Variants in RGPD2 observed in about 807,000 individuals in gnomAD.
RGPD2 encodes the protein RANBP2-like and GRIP domain-containing protein 2.
Under a neutral mutation model 36.0 loss-of-function variants are expected in RGPD2, and 2 were observed. The observed-to-expected ratio is 0.06, with a 90% CI of 0.02 to 0.17. The LOEUF (loss-of-function observed/expected upper bound fraction) is 0.17, where lower values mean the gene tolerates loss of function less well. RGPD2 is among the 10% of genes least tolerant of loss of function. RGPD2 has a pLI of 1.00. For missense variants in RGPD2, 40 were observed against 464.3 expected (o/e 0.09, Z 8.40); for synonymous variants, 19 against 163.8 (o/e 0.12, Z 6.75).
the RGPD2 span, among the ~76,000 whole-genome samples, chr2:87,961,634 G>A: frequency 5.0e-5 from 7 of 140,906 alleles, no homozygotes; most frequent in East Asian, 2.1e-4. Context: ...ACTGAGAGGC[G>A]AGGGTTGCAG....
At chr2:87,847,633 G>C in the RGPD2 span, among the ~76,000 whole-genome samples, 1 of 151,408 alleles carries the variant, frequency 6.6e-6, no homozygotes, top group African/African-American at 2.4e-5. Flanking sequence ...CGAGTAGCTG[G>C]GACCACAGGT....
the RGPD2 span, among the ~76,000 whole-genome samples, chr2:87,909,188 AG>A: frequency 6.6e-6 from 1 of 152,158 alleles, no homozygotes; most frequent in Non-Finnish European, 1.5e-5. Flanking sequence ...TAAACATCAG[AG>A]TATTGGCTGC....
the RGPD2 span, among the ~76,000 whole-genome samples, chr2:87,973,537 T>C: frequency 1.4e-5 from 2 of 139,514 alleles, no homozygotes; most frequent in East Asian, 4.1e-4. Context: ...TAGTCCCAAC[T>C]CCTTGCGTTC....
upstream of RGPD2, among the ~76,000 whole-genome samples, chr2:87,830,164 T>C (rs925897441): frequency 6.6e-6 from 1 of 151,750 alleles, no homozygotes; most frequent in Non-Finnish European, 1.5e-5. Flanking sequence ...AGGTCCCACA[T>C]CCAGGTCACA....
chr2:87,813,814 A>G (rs2104350979), intron 4 of RGPD2, among the ~76,000 whole-genome samples: 1 of 142,792 alleles, frequency 7.0e-6, no homozygotes, highest in African/African-American at 2.6e-5. Context: ...TTACCTTAGC[A>G]AGCCTTAAAT....
chr2:87,825,410 G>T (rs1686678538), intron 1 of RGPD2, among the ~76,000 whole-genome samples: 2 of 116,546 alleles, frequency 1.7e-5, no homozygotes, highest in Non-Finnish European at 3.8e-5. Flanking sequence ...GCCAGGCCGA[G>T]GCCGAGGCCG....
chr2:87,874,033 G>T, the RGPD2 span, among the ~76,000 whole-genome samples: 13 of 151,376 alleles, frequency 8.6e-5, no homozygotes, highest in African/African-American at 3.2e-4. Flanking sequence ...GTCTTCTTTT[G>T]AGAAGTGTCT....
the RGPD2 span, among the ~76,000 whole-genome samples, chr2:87,983,983 G>A: frequency 6.6e-6 from 1 of 151,936 alleles, no homozygotes; most frequent in South Asian, 2.1e-4. Flanking sequence ...AAGTCACTGG[G>A]GGATTCTACG....
upstream of RGPD2, among the ~76,000 whole-genome samples, chr2:87,829,703 C>A (rs1255436504): frequency 6.6e-6 from 1 of 151,854 alleles, no homozygotes; most frequent in South Asian, 2.1e-4. Context: ...AGAAAAAAAA[C>A]CCGCTCCCAT....
chr2:87,827,188 G>A (rs1430099081), upstream of RGPD2, among the ~76,000 whole-genome samples: 6 of 152,114 alleles, frequency 3.9e-5, no homozygotes, highest in Non-Finnish European at 5.9e-5. Context: ...GTGTGTATGC[G>A]TGTGCATGTG....
At chr2:87,875,244 A>C in the RGPD2 span, among the ~76,000 whole-genome samples, 2 of 152,084 alleles carry the variant, frequency 1.3e-5, no homozygotes, top group Non-Finnish European at 2.9e-5. Flanking sequence ...TACCATGTTG[A>C]ATAAGAATGG....
At chr2:87,825,476 T>TCGCCGC (rs1298767134) in intron 1 of RGPD2, among the ~76,000 whole-genome samples, 182 bp downstream of exon 1, 1 of 37,152 alleles carries the variant, frequency 2.7e-5, no homozygotes, top group Non-Finnish European at 5.1e-5. Flanking sequence ...GAGGCCGCCG[T>TCGCCGC]CGCCGCCGCC....
At chr2:87,873,876 C>A in the RGPD2 span, among the ~76,000 whole-genome samples, 2 of 149,976 alleles carry the variant, frequency 1.3e-5, no homozygotes, top group African/African-American at 4.9e-5. Flanking sequence ...GCCCACAACA[C>A]GTGGAGATTA....
chr2:87,887,228 C>T, the RGPD2 span, among the ~76,000 whole-genome samples: 476 of 151,972 alleles, frequency 3.1e-3, 6 homozygotes, highest in Non-Finnish European at 5.3e-3. Context: ...ATACCTCACT[C>T]TGGTTTGCCA....
chr2:87,839,900 A>G, the RGPD2 span, among the ~76,000 whole-genome samples: 6 of 152,092 alleles, frequency 3.9e-5, no homozygotes, highest in South Asian at 2.1e-4. Flanking sequence ...TAAATGTTGG[A>G]AAGAAAAAAA....
intron 4 of RGPD2, among the ~76,000 whole-genome samples, chr2:87,812,974 T>A (rs1686157463): frequency 6.7e-6 from 1 of 150,354 alleles, no homozygotes; most frequent in Non-Finnish European, 1.5e-5. Context: ...GTCTTCAAAA[T>A]CTGCATTTTG....
At chr2:87,938,091 C>A in the RGPD2 span, among the ~76,000 whole-genome samples, 1 of 151,534 alleles carries the variant, frequency 6.6e-6, no homozygotes, top group Non-Finnish European at 1.5e-5. Flanking sequence ...GTCAACAGAG[C>A]AGTAGCCGAA....
At chr2:87,839,139 A>G in the RGPD2 span, among the ~76,000 whole-genome samples, 1 of 151,278 alleles carries the variant, frequency 6.6e-6, no homozygotes, top group Non-Finnish European at 1.5e-5. Context: ...CAAAGGTCTA[A>G]TGTTCAGAAT....
the RGPD2 span, among the ~76,000 whole-genome samples, chr2:87,855,312 C>T: frequency 6.6e-6 from 1 of 151,602 alleles, no homozygotes; most frequent in Non-Finnish European, 1.5e-5. Context: ...GACAAAATGT[C>T]TTCCAAAGTG....
Sources: gnomAD v4.1 joint callset for allele counts (sites outside exome capture counted in the v4.1 genomes callset) on GRCh38, gnomAD v4.1.1 for gene constraint, MANE v1.5 for transcripts, NCBI Gene and HGNC (gene_info 2026-07-23, HGNC 2026-07-21) for gene names.